COL13A1: variants seen among roughly 807,000 people sequenced by gnomAD.
COL13A1 encodes the protein collagen alpha-1(XIII) chain.
In COL13A1, 89 loss-of-function variants were observed where a neutral mutation model predicts 130.9. The ratio of observed to expected loss-of-function variants is 0.68; its 90% CI spans 0.57 to 0.81. The LOEUF (loss-of-function observed/expected upper bound fraction) is 0.81. Ranked by LOEUF, COL13A1 falls within the 30% of genes least tolerant of loss-of-function variation. COL13A1 has a pLI of 0.00. For synonymous variants in COL13A1, 402 were observed against 341.6 expected (o/e 1.18, Z -1.95); for missense variants, 879 against 934.6 (o/e 0.94, Z 0.78).
At chr10:69,903,678 C>A (rs974728519) in intron 15 of COL13A1, among the ~76,000 whole-genome samples, 1 of 152,116 alleles carries the variant, frequency 6.6e-6, no homozygotes, top group Non-Finnish European at 1.5e-5. Context: ...GGTAGAAAAA[C>A]CAAAACAAAA....
At position 69,922,756 on chromosome 10, in the gene COL13A1, C is replaced by A. The variant is rs888564814; in HGVS notation, c.1192C>A (p.Pro398Thr). 2 of 1,604,932 alleles carry A rather than the reference C, an allele frequency of 1.2e-6. No individual in the cohort carries two copies. Among genetic ancestry groups the A allele is most frequent in the Non-Finnish European group, 8.5e-7 (1 of 1,176,242 alleles). ...CTCCATTGGAGGAGGCAGAGGGGAA[C>A]CTGGCCCTCCAGGGCTCCCTGGGCC... ...GNSIGGGRGE[P>T]GPPGLPGPPG... Residue 398 changes from proline to threonine, a missense_variant, in exon 23 of 41, where the codon CCT becomes ACT. This residue lies in a region of COL13A1 where 715 missense variants were observed against 721.0 expected (regional missense o/e 0.99). Coordinates refer to ENST00000645393, the MANE Select transcript of COL13A1 (RefSeq NM_001368882.1).
chr10:69,820,363 G>T (rs1845747164), intron 1 of COL13A1, among the ~76,000 whole-genome samples: 1 of 152,220 alleles, frequency 6.6e-6, no homozygotes, highest in African/African-American at 2.4e-5. Flanking sequence ...AACTCCGATG[G>T]TTACAACCTT....
chr10:69,911,998 A>G (rs766514203), intron 17 of COL13A1, among the ~76,000 whole-genome samples: 1 of 152,218 alleles, frequency 6.6e-6, no homozygotes, highest in Non-Finnish European at 1.5e-5. Flanking sequence ...CCCTAGATGC[A>G]GGAGCCTGCT....
chr10:69,848,099 C>G (rs995803702), intron 2 of COL13A1, among the ~76,000 whole-genome samples: 1 of 152,154 alleles, frequency 6.6e-6, no homozygotes, highest in East Asian at 1.9e-4. Context: ...CTCTGAGTCA[C>G]GGAGGTGAAG....
intron 13 of COL13A1, 125 bp from the exon 14 acceptor site, chr10:69,898,565 ATCTCTCT>A: frequency 1.5e-6 from 1 of 659,658 alleles, no homozygotes; most frequent in South Asian, 2.0e-5. Flanking sequence ...GTGCACGCTA[ATCTCTCT>A]TCTCTCTTCC....
intron 17 of COL13A1, among the ~76,000 whole-genome samples, chr10:69,910,803 G>A (rs2063288344): frequency 6.6e-6 from 1 of 152,248 alleles, no homozygotes; most frequent in Non-Finnish European, 1.5e-5. Flanking sequence ...TTGTCAGATT[G>A]TGTGTGGATC....
At position 69,802,075 on chromosome 10, in the gene COL13A1, AG is replaced by A. The variant is rs1056126753; in HGVS notation, c.-347del. The A allele has an allele frequency of 4.7e-6, 1 of 213,760 alleles. No homozygotes were observed. Among genetic ancestry groups the A allele is most frequent in the Admixed American group, 6.0e-5 (1 of 16,636 alleles). The allele number at this position is 213,760 out of a possible 1,614,324, so 13.2% of individuals were successfully genotyped here. On this transcript the variant is annotated 5_prime_UTR_variant, in exon 1 of 41. Coordinates refer to ENST00000645393, the MANE Select transcript of COL13A1 (RefSeq NM_001368882.1). ...GCCCGGGAGACACGAGGCGCCCAGA[AG>A]GACTGACAGCGCGGCACCAACTGCT...
In COL13A1 at chr10:69,899,642, T is replaced by G. The variant is rs143182803; in HGVS notation, c.750+880T>G. 7.6e-3 allele frequency among the ~76,000 whole-genome samples: 1,161 copies of G among 152,328 alleles called. 20 individuals carry two copies. Among genetic ancestry groups the G allele is most frequent in the African/African-American group, 0.026 (1,089 of 41,580 alleles). On this transcript the variant is annotated intron_variant, in intron 14 of 40. Transcript: ENST00000645393. ...ACAACCCACATTGTGAGCAAGTGCT[T>G]CCTTCTTCTTCCTGCCTTCCTAACC...
At chr10:69,831,706 C>T (rs535928932) in intron 2 of COL13A1, among the ~76,000 whole-genome samples, 3 of 152,162 alleles carry the variant, frequency 2.0e-5, no homozygotes, top group Admixed American at 6.5e-5. Flanking sequence ...GTCCTGGGCA[C>T]GAGCTGTGCT....
At position 69,875,110 on chromosome 10, in the gene COL13A1, T is replaced by A. The variant is rs1274181402; in HGVS notation, c.400-18T>A. The A allele has an allele frequency of 3.7e-6, 6 of 1,614,016 alleles. No individual in the cohort carries two copies. The highest frequency in any genetic ancestry group is 5.1e-6 in the Non-Finnish European group (6 of 1,179,894). On this transcript the variant is annotated intron_variant, in intron 4 of 40. Transcript: ENST00000645393. ...GGTTCCAACCACATCTGACTGTTTC[T>A]GCCTCCTTCATCATCAGGGGGACAA...
intron 5 of COL13A1, among the ~76,000 whole-genome samples, chr10:69,876,961 C>T (rs1256871202): frequency 6.6e-6 from 1 of 152,182 alleles, no homozygotes; most frequent in African/African-American, 2.4e-5. Context: ...CCTTCTTGGG[C>T]CCTGTGGACA....
intron 38 of COL13A1, among the ~76,000 whole-genome samples, chr10:69,952,152 A>G (rs567459427): frequency 1.3e-5 from 2 of 152,252 alleles, no homozygotes; most frequent in Non-Finnish European, 2.9e-5. Flanking sequence ...GATGAACCAG[A>G]GACACAGATA....
intron 34 of COL13A1, among the ~76,000 whole-genome samples, chr10:69,939,716 T>C (rs993850130): frequency 6.6e-6 from 1 of 152,200 alleles, no homozygotes; most frequent in African/African-American, 2.4e-5. Context: ...AGATTTTGAA[T>C]TGCATCGGGC....
intron 14 of COL13A1, among the ~76,000 whole-genome samples, chr10:69,902,474 C>G (rs948561568): frequency 2.6e-5 from 4 of 151,978 alleles, no homozygotes; most frequent in African/African-American, 9.7e-5. Flanking sequence ...TCTGCCTCTG[C>G]CCCCCCGCAG....
intron 1 of COL13A1, among the ~76,000 whole-genome samples, chr10:69,810,350 GA>G (rs1244251098): frequency 8.8e-5 from 1 of 11,332 alleles, no homozygotes; most frequent in Non-Finnish European, 1.9e-4. Flanking sequence ...CTGAGAATGA[GA>G]GAGAGAGAGA....
In COL13A1 at chr10:69,882,589, G is replaced by A. The variant is rs767888764; in HGVS notation, c.513+2036G>A. Among the ~76,000 whole-genome samples, 116 of 152,324 alleles carry A rather than the reference G, an allele frequency of 7.6e-4. 1 individual carries two copies. Among genetic ancestry groups the A allele is most frequent in the East Asian group, 5.8e-4 (3 of 5,178 alleles). ...AGAGGAGAGAACAGTTTCCTAACTC[G>A]CCTGTGGTCACCCAGCTAGTAAGTT... On this transcript the variant is annotated intron_variant, in intron 7 of 40. Transcript: ENST00000645393.
At position 69,893,810 on chromosome 10, in the gene COL13A1, C is replaced by A. The variant is rs892165766; in HGVS notation, c.604-742C>A. ...GGAGTGGACACAAGCATCTCCCTCACAGACACATACCTGAAGAGCCAGCCT... is the reference window on the plus strand; with the variant it reads ...GGAGTGGACACAAGCATCTCCCTCAAAGACACATACCTGAAGAGCCAGCCT... On this transcript the variant is annotated intron_variant, in intron 10 of 40. Transcript: ENST00000645393. Among the ~76,000 whole-genome samples, 4 of 152,228 alleles carry A rather than the reference C, an allele frequency of 2.6e-5. No individual in the cohort carries two copies. The East Asian group carries it at 7.7e-4, about 29-fold the overall frequency.
chr10:69,954,197 C>T (rs1395102519), intron 39 of COL13A1, among the ~76,000 whole-genome samples: 1 of 152,224 alleles, frequency 6.6e-6, no homozygotes, highest in Non-Finnish European at 1.5e-5. Flanking sequence ...TAGGCTAGTA[C>T]TCTGGGGGCT....
chr10:69,884,003 A>T (rs1457768189), intron 7 of COL13A1, among the ~76,000 whole-genome samples: 4 of 152,164 alleles, frequency 2.6e-5, no homozygotes, highest in Non-Finnish European at 5.9e-5. Flanking sequence ...ATAAGGATTG[A>T]GGGAGAAGCA....
Sources: allele counts gnomAD v4.1 joint callset (sites outside exome capture counted in the v4.1 genomes callset), GRCh38; gene constraint gnomAD v4.1.1; regional missense constraint gnomAD v4.1.1; transcripts MANE v1.5; gene names NCBI Gene and HGNC (gene_info 2026-07-23, HGNC 2026-07-21).